PTPN2: variants seen among roughly 807,000 people sequenced by gnomAD.
The protein encoded by PTPN2 is tyrosine-protein phosphatase non-receptor type 2.
PTPN2 carries 19 observed loss-of-function variants against 57.3 expected under a neutral mutation model. The observed-to-expected ratio is 0.33, with a 90% CI of 0.23 to 0.49. The LOEUF (loss-of-function observed/expected upper bound fraction) is 0.49. Ranked by LOEUF, PTPN2 falls within the 20% of genes least tolerant of loss-of-function variation. PTPN2 has a pLI of 0.99. For missense variants in PTPN2, 358 were observed against 501.1 expected (o/e 0.71, Z 2.73); for synonymous variants, 153 against 164.9 (o/e 0.93, Z 0.55).
At chr18:12,824,307 T>C (rs1189910413) in intron 5 of PTPN2, among the ~76,000 whole-genome samples, 2 of 152,166 alleles carry the variant, frequency 1.3e-5, no homozygotes, top group African/African-American at 2.4e-5. Flanking sequence ...CACGGGAAGC[T>C]GGACAGAAGG....
chr18:12,832,090 C>A (rs563397823), intron 3 of PTPN2, among the ~76,000 whole-genome samples: 1 of 152,162 alleles, frequency 6.6e-6, no homozygotes, highest in Non-Finnish European at 1.5e-5. Flanking sequence ...GACCCACATA[C>A]AACAAGGGGG....
At chr18:12,860,302 A>G (rs1425088125) in intron 1 of PTPN2, among the ~76,000 whole-genome samples, 1 of 151,536 alleles carries the variant, frequency 6.6e-6, no homozygotes, top group Admixed American at 6.6e-5. Context: ...AAACCCCAAA[A>G]AAATACAAAA....
chr18:12,788,432 C>CTTTTT (rs71174142), downstream of PTPN2, among the ~76,000 whole-genome samples: 1,602 of 90,074 alleles, frequency 0.018, 164 homozygotes, highest in African/African-American at 0.062. Context: ...GGGATCAGGG[C>CTTTTT]TTTTTTTTTT....
intron 2 of PTPN2, among the ~76,000 whole-genome samples, chr18:12,845,282 C>A (rs1165478215): frequency 6.6e-6 from 1 of 152,170 alleles, no homozygotes; most frequent in Non-Finnish European, 1.5e-5. Context: ...TTGGGGAGGA[C>A]TGATTCACTA....
At chr18:12,808,674 G>A (rs559807602) in intron 7 of PTPN2, among the ~76,000 whole-genome samples, 11 of 152,074 alleles carry the variant, frequency 7.2e-5, no homozygotes, top group Middle Eastern at 3.4e-3. Flanking sequence ...CCAGCTACTC[G>A]GGAGGCTGAG....
At chr18:12,858,292 T>C (rs963050570) in intron 2 of PTPN2, among the ~76,000 whole-genome samples, 3 of 152,180 alleles carry the variant, frequency 2.0e-5, no homozygotes, top group Admixed American at 1.3e-4. Context: ...AAAACCTATG[T>C]TTAGCCCACT....
At chr18:12,808,235 C>G (rs1487127844) in intron 7 of PTPN2, among the ~76,000 whole-genome samples, 2 of 152,058 alleles carry the variant, frequency 1.3e-5, no homozygotes, top group African/African-American at 4.8e-5. Context: ...AAAATCCTCT[C>G]TTCTGGCTAT....
chr18:12,786,440 C>CT (rs1360130333), intron 9 of PTPN2: 4 of 152,086 alleles, frequency 2.6e-5, no homozygotes, highest in Non-Finnish European at 4.4e-5. Flanking sequence ...TAAGCTACTA[C>CT]TAATATAAAA....
At chr18:12,825,976 T>A (rs2042440392) in intron 4 of PTPN2, 32 bp from the exon 5 acceptor site, 1 of 1,543,028 alleles carries the variant, frequency 6.5e-7, no homozygotes, top group African/African-American at 1.4e-5. Context: ...TGATTTTTTT[T>A]TAGTTTATAG....
intron 2 of PTPN2, among the ~76,000 whole-genome samples, chr18:12,856,608 T>A (rs1344749562): frequency 6.6e-6 from 1 of 152,158 alleles, no homozygotes; most frequent in East Asian, 1.9e-4. Context: ...TGATAACGCA[T>A]ATTTTAAAGA....
chr18:12,841,644 G>A (rs770120494), intron 2 of PTPN2, among the ~76,000 whole-genome samples: 14 of 152,130 alleles, frequency 9.2e-5, no homozygotes, highest in Non-Finnish European at 1.8e-4. Flanking sequence ...AATCATCAGC[G>A]TCTTTCAACC....
Position 12,831,047 on chromosome 18 carries a change from AAG to A in PTPN2, c.262-8_262-7del, listed in dbSNP as rs2042649753. ...CATGTGTTAGGAAGTGGACCCTGTG[AAG>A]AGAGAGGAGAGAGAGCAGATGAGGG... On this transcript the variant is annotated splice_polypyrimidine_tract_variant and splice_region_variant and intron_variant, in intron 3 of 8. Coordinates refer to ENST00000309660, the MANE Select transcript of PTPN2 (RefSeq NM_002828.4). The A allele has an allele frequency of 3.8e-6, 6 of 1,583,842 alleles. No homozygotes were observed. The highest frequency in any genetic ancestry group is 2.2e-5 in the East Asian group (1 of 44,456).
intron 3 of PTPN2, among the ~76,000 whole-genome samples, chr18:12,834,868 A>G (rs74522032): frequency 6.6e-6 from 1 of 152,132 alleles, no homozygotes; most frequent in Non-Finnish European, 1.5e-5. Flanking sequence ...ATTCTTCTCT[A>G]TTTTTTAATG....
At chr18:12,801,854 T>A (rs577431775) in intron 8 of PTPN2, 116 bp downstream of exon 8, 1 of 1,013,910 alleles carries the variant, frequency 9.9e-7, no homozygotes, top group African/African-American at 1.7e-5. Flanking sequence ...CAGGCGTGAT[T>A]GTATTTTCCT....
At chr18:12,852,753 A>G (rs1037401980) in intron 2 of PTPN2, among the ~76,000 whole-genome samples, 3 of 152,232 alleles carry the variant, frequency 2.0e-5, no homozygotes, top group Non-Finnish European at 4.4e-5. Flanking sequence ...TGTAGTTTCC[A>G]TATGTCAGTC....
In PTPN2 at chr18:12,834,326, C is replaced by A. The variant is rs76228986; in HGVS notation, c.261+2465G>T. Among the ~76,000 whole-genome samples the A allele has an allele frequency of 1.6e-3, 211 of 133,080 alleles. 1 individual carries two copies. Among genetic ancestry groups the A allele is most frequent in the South Asian group, 2.7e-3 (11 of 4,124 alleles). The allele number at this position is 133,080 out of a possible 152,430, so 87.3% of individuals were successfully genotyped here. ...TGGGCAACAGAGTGAGACTCCATCTCAAAAAAAAAAAAAAAGAAAGTTATT... is the reference window on the plus strand; with the variant it reads ...TGGGCAACAGAGTGAGACTCCATCTAAAAAAAAAAAAAAAAGAAAGTTATT... On this transcript the variant is annotated intron_variant, in intron 3 of 8. Coordinates refer to ENST00000309660, the MANE Select transcript of PTPN2 (RefSeq NM_002828.4).
intron 2 of PTPN2, among the ~76,000 whole-genome samples, chr18:12,853,376 A>G (rs1296404656): frequency 6.6e-6 from 1 of 152,210 alleles, no homozygotes; most frequent in Non-Finnish European, 1.5e-5. Context: ...CCTGGCCTTA[A>G]GCAATCCTCC....
At chr18:12,787,579 G>A (rs990654247), downstream of PTPN2, 7 of 152,082 alleles carry the variant, frequency 4.6e-5, no homozygotes, top group Non-Finnish European at 7.4e-5. Context: ...ACTGAAGGAC[G>A]GGGTTTTTAA....
rs1454319355 is a variant in PTPN2, at chr18:12,842,195, G to A, written c.161-5304C>T. Among the ~76,000 whole-genome samples, 4 of 152,148 alleles carry A rather than the reference G, an allele frequency of 2.6e-5. 1 individual carries two copies. In the Middle Eastern group the frequency reaches 0.01, roughly 388 times the overall value. The stretch of plus-strand genomic sequence containing the variant: ...TGTTGGGATTACAGGAGTGAGCCAC[G>A]GCGCTCAGCAGTATTGCACCATTTT... On this transcript the variant is annotated intron_variant, in intron 2 of 8. Coordinates refer to ENST00000309660, the MANE Select transcript of PTPN2 (RefSeq NM_002828.4).
Sources: gnomAD v4.1 joint callset for allele counts (sites outside exome capture counted in the v4.1 genomes callset) on GRCh38, gnomAD v4.1.1 for gene constraint, MANE v1.5 for transcripts, NCBI Gene and HGNC (gene_info 2026-07-23, HGNC 2026-07-21) for gene names.